The following ZNF560 variants were observed in gnomAD, a reference collection of about 807,000 sequenced individuals.
ZNF560 encodes zinc finger protein 560.
A neutral mutation model predicts 81.8 loss-of-function variants in ZNF560; 54 were observed. The observed-to-expected ratio is 0.66, with a 90% CI of 0.53 to 0.83. The LOEUF (loss-of-function observed/expected upper bound fraction) is 0.83. ZNF560 is among the 40% of genes least tolerant of loss of function. The probability of loss-of-function intolerance (pLI) is 0.00; values close to 1 mark genes in which losing one functional copy is unlikely to be tolerated. For synonymous variants in ZNF560, 321 were observed against 317.9 expected (o/e 1.01, Z -0.10); for missense variants, 940 against 932.4 (o/e 1.01, Z -0.11).
intron 2 of ZNF560, among the ~76,000 whole-genome samples, chr19:9,495,076 G>A (rs1293748551): frequency 6.6e-6 from 1 of 152,228 alleles, no homozygotes; most frequent in East Asian, 1.9e-4. Flanking sequence ...ATAGGCAGAG[G>A]TTGGAGCAAG....
At chr19:9,451,002 GGT>G in the ZNF560 span, among the ~76,000 whole-genome samples, 1 of 152,172 alleles carries the variant, frequency 6.6e-6, no homozygotes, top group East Asian at 1.9e-4. Context: ...AACACCCCAT[GGT>G]CATGGACAGG....
In ZNF560 at chr19:9,469,164, T is replaced by C. The variant is rs778391576; in HGVS notation, c.553A>G (p.Lys185Glu). Residue 185 changes from lysine (K) to glutamate (E), a missense_variant, in exon 9 of 10, where the codon AAA becomes GAA. Transcript: ENST00000301480. ...TTATCTTGCCAAAGGGCTGGCCCTTTGGTTTTCAGGCACATTTTCCATTCT... is the reference window on the plus strand; with the variant it reads ...TTATCTTGCCAAAGGGCTGGCCCTTCGGTTTTCAGGCACATTTTCCATTCT... ...LQEWKMCLKTKGPALWQDNFC... is the reference protein window; with the variant it reads ...LQEWKMCLKTEGPALWQDNFC... 1.2e-4 allele frequency: 189 copies of C among 1,597,348 alleles called. No individual in the cohort carries two copies. The highest frequency in any genetic ancestry group is 1.6e-4 in the Non-Finnish European group (182 of 1,173,886).
rs2144697656 is a variant in ZNF560, at chr19:9,475,402, A to AT, written c.-56-34dup. On this transcript the variant is annotated intron_variant, in intron 2 of 9. Coordinates refer to ENST00000301480, the MANE Select transcript of ZNF560 (RefSeq NM_152476.3). ...AGAAAGAAGGCATAAGAGCCCAGAC[A>AT]TAATCACAGTTCCAACATTCGCATG... is the stretch of plus-strand genomic sequence containing the variant. 2.3e-6 allele frequency: 3 copies of AT among 1,290,628 alleles called. No homozygotes were observed. In the East Asian group the frequency reaches 7.0e-5, roughly 30 times the overall value. 79.9% of individuals were successfully genotyped at this position (1,290,628 alleles called of 1,614,324 possible).
At chr19:9,450,937 G>T in the ZNF560 span, among the ~76,000 whole-genome samples, 1 of 152,144 alleles carries the variant, frequency 6.6e-6, no homozygotes, top group Non-Finnish European at 1.5e-5. Flanking sequence ...AACCAAGGAG[G>T]TTAAAGTTTC....
chr19:9,464,806 G>T (rs1599643223), downstream of ZNF560, among the ~76,000 whole-genome samples: 2 of 152,282 alleles, frequency 1.3e-5, no homozygotes, highest in African/African-American at 4.8e-5. Context: ...GCAGCGGGGT[G>T]TAAGAAACTT....
At chr19:9,470,748 A>G (rs548391574) in intron 6 of ZNF560, among the ~76,000 whole-genome samples, 1 of 152,262 alleles carries the variant, frequency 6.6e-6, no homozygotes, top group African/African-American at 2.4e-5. Context: ...ATCAACCACA[A>G]CTAGACCGGG....
rs773873340 is a variant in ZNF560, at chr19:9,466,548, A to G, written c.*26T>C. 3.9e-6 allele frequency: 6 copies of G among 1,539,402 alleles called. No homozygotes were observed. Among genetic ancestry groups the G allele is most frequent in the Non-Finnish European group, 5.2e-6 (6 of 1,145,844 alleles). ...GAGGAAACAGCAAAGGTTTTTCCAC[A>G]TTCTTCACATCCACAGGGCTTCTCT... On this transcript the variant is annotated 3_prime_UTR_variant, in exon 10 of 10. Coordinates refer to ENST00000301480, the MANE Select transcript of ZNF560 (RefSeq NM_152476.3).
rs1296270780 is a variant in ZNF560, at chr19:9,474,298, C to T, written c.58G>A (p.Val20Met). 1.2e-6 allele frequency: 2 copies of T among 1,613,956 alleles called. No individual in the cohort carries two copies. The highest frequency in any genetic ancestry group is 2.2e-5 in the East Asian group (1 of 44,874). The change falls in exon 4 of 10, where the codon GTG becomes ATG. Residue 20 changes from valine (V) to methionine (M), a missense_variant. Coordinates refer to ENST00000301480, the MANE Select transcript of ZNF560 (RefSeq NM_152476.3). ...ATCCACTCCTCCTGGGTGAAGTCCA[C>T]AGCTGTATCCTCAAAGGTCACGGAG... is the stretch of plus-strand genomic sequence containing the variant. ...QYSVTFEDTA[V>M]DFTQEEWILL...
At chr19:9,465,872 T>C (rs1296057851), downstream of ZNF560, among the ~76,000 whole-genome samples, 1 of 152,182 alleles carries the variant, frequency 6.6e-6, no homozygotes, top group Non-Finnish European at 1.5e-5. Flanking sequence ...TGTGTGCCTA[T>C]AATCCCAGCT....
At chr19:9,453,024 C>T in the ZNF560 span, among the ~76,000 whole-genome samples, 1 of 152,158 alleles carries the variant, frequency 6.6e-6, no homozygotes, top group African/African-American at 2.4e-5. Flanking sequence ...TCTTCGAATC[C>T]CAACTCCTAA....
the ZNF560 span, among the ~76,000 whole-genome samples, chr19:9,455,907 C>T: frequency 6.6e-6 from 1 of 152,018 alleles, no homozygotes; most frequent in South Asian, 2.1e-4. Flanking sequence ...GAAACATGGG[C>T]ATACGAGAGA....
intron 2 of ZNF560, among the ~76,000 whole-genome samples, chr19:9,478,628 A>G (rs28837980): frequency 0.15 from 23,344 of 152,172 alleles, 2,617 homozygotes; most frequent in African/African-American, 0.31. Flanking sequence ...TGTAAATTAC[A>G]ATATCAGAAA....
At chr19:9,499,075 C>G (rs2073608584), upstream of ZNF560, among the ~76,000 whole-genome samples, 1 of 152,230 alleles carries the variant, frequency 6.6e-6, no homozygotes, top group African/African-American at 2.4e-5. Context: ...TTTTATTTAT[C>G]TGACCTTGCT....
upstream of ZNF560, among the ~76,000 whole-genome samples, chr19:9,500,574 G>C (rs1025743648): frequency 2.6e-5 from 4 of 151,744 alleles, no homozygotes; most frequent in South Asian, 8.3e-4. Context: ...TCTGTTTCTA[G>C]TTTTCTTAAT....
chr19:9,468,759 G>A lies in ZNF560; in HGVS notation c.612+346C>T, dbSNP rs58030083. ...TTTTTTTTTTTTGAGATGGGGTTAC[G>A]CTCTGTTGCCCAGGCTGTAGTGTGC... On this transcript the variant is annotated intron_variant, in intron 9 of 9. Coordinates refer to ENST00000301480, the MANE Select transcript of ZNF560 (RefSeq NM_152476.3). 2.2e-3 allele frequency among the ~76,000 whole-genome samples: 309 copies of A among 137,994 alleles called. 2 individuals carry two copies. The highest frequency in any genetic ancestry group is 7.9e-3 in the African/African-American group (286 of 36,152). 90.5% of individuals were successfully genotyped at this position (137,994 alleles called of 152,430 possible).
chr19:9,466,097 G>C (rs1217117773), downstream of ZNF560, among the ~76,000 whole-genome samples: 1 of 152,190 alleles, frequency 6.6e-6, no homozygotes, highest in Non-Finnish European at 1.5e-5. Flanking sequence ...TGTAATCCCA[G>C]CATTTTGGGA....
intron 4 of ZNF560, among the ~76,000 whole-genome samples, 189 bp from the exon 5 acceptor site, chr19:9,473,448 T>A (rs1410560225): frequency 6.6e-6 from 1 of 152,026 alleles, no homozygotes; most frequent in East Asian, 1.9e-4. Context: ...TGTGATGGCG[T>A]GTGCCTATAA....
chr19:9,450,064 A>G, the ZNF560 span, among the ~76,000 whole-genome samples: 1 of 151,378 alleles, frequency 6.6e-6, no homozygotes, highest in Non-Finnish European at 1.5e-5. Flanking sequence ...ACACTGAGGC[A>G]GCTGGATCAT....
At chr19:9,481,010 GGAGA>G (rs777331721) in intron 2 of ZNF560, among the ~76,000 whole-genome samples, 2 of 151,094 alleles carry the variant, frequency 1.3e-5, no homozygotes, top group African/African-American at 2.4e-5. Context: ...CTTGAGCCCA[GGAGA>G]GAGAGGCTGC....
Sources: allele counts gnomAD v4.1 joint callset (sites outside exome capture counted in the v4.1 genomes callset), GRCh38; gene constraint gnomAD v4.1.1; transcripts MANE v1.5; gene names NCBI Gene and HGNC (gene_info 2026-07-23, HGNC 2026-07-21).